TAFA2: variants seen among roughly 807,000 people sequenced by gnomAD.
TAFA2 encodes chemokine-like protein TAFA-2.
In TAFA2, 7 loss-of-function variants were observed where a neutral mutation model predicts 18.8. The ratio of observed to expected loss-of-function variants is 0.37; its 90% CI spans 0.21 to 0.70. The LOEUF (loss-of-function observed/expected upper bound fraction) is 0.70. TAFA2 is among the 30% of genes least tolerant of loss of function. The pLI is 0.53. For synonymous variants in TAFA2, 60 were observed against 54.2 expected (o/e 1.11, Z -0.47); for missense variants, 122 against 158.1 (o/e 0.77, Z 1.23).
chr12:62,008,763 T>C (rs1338890345), intron 1 of TAFA2, among the ~76,000 whole-genome samples: 1 of 152,206 alleles, frequency 6.6e-6, no homozygotes, highest in Admixed American at 6.5e-5. Flanking sequence ...ACAAGAAAGA[T>C]GATTGCAGTT....
chr12:62,210,184 T>TATAA (rs1260122366), intron 1 of TAFA2, among the ~76,000 whole-genome samples: 2 of 93,556 alleles, frequency 2.1e-5, no homozygotes, highest in Non-Finnish European at 2.3e-5. Context: ...AGACTCTGTC[T>TATAA]CTAAATAAAT....
At chr12:62,057,287 G>C (rs1009978013) in intron 1 of TAFA2, among the ~76,000 whole-genome samples, 1 of 152,008 alleles carries the variant, frequency 6.6e-6, no homozygotes, top group Non-Finnish European at 1.5e-5. Context: ...TTCTGATCTT[G>C]TTAATATCTC....
At chr12:61,713,470 A>C (rs1001296087) in intron 4 of TAFA2, among the ~76,000 whole-genome samples, 1 of 152,178 alleles carries the variant, frequency 6.6e-6, no homozygotes, top group African/African-American at 2.4e-5. Flanking sequence ...AGTTTAGAGA[A>C]CTGCATTGAA....
chr12:61,802,253 T>C (rs541439147), intron 2 of TAFA2, among the ~76,000 whole-genome samples: 6 of 152,106 alleles, frequency 3.9e-5, no homozygotes, highest in African/African-American at 1.2e-4. Context: ...AATCCCTCTG[T>C]TGGGTATTCA....
intron 1 of TAFA2, among the ~76,000 whole-genome samples, chr12:62,241,678 T>A (rs1179329844): frequency 1.3e-5 from 2 of 152,176 alleles, no homozygotes; most frequent in African/African-American, 4.8e-5. Flanking sequence ...GTTACCTACA[T>A]TTGGAAATAT....
At position 61,955,600 on chromosome 12, in the gene TAFA2, CAAAAAAAAAAAAAAAAAAA is replaced by C. The variant is rs869189343; in HGVS notation, c.-1-88193_-1-88175del. On this transcript the variant is annotated intron_variant, in intron 1 of 4. Transcript: ENST00000416284. ...CTGGCGACACAGCAAGACTCCATCT[CAAAAAAAAAAAAAAAAAAA>C]AAAAAAAAAAAAAATATATATATAT... 4.8e-3 allele frequency among the ~76,000 whole-genome samples: 185 copies of C among 38,908 alleles called. 1 individual carries two copies. Among genetic ancestry groups the C allele is most frequent in the African/African-American group, 0.022 (173 of 7,844 alleles). 25.5% of individuals were successfully genotyped at this position (38,908 alleles called of 152,430 possible).
At chr12:61,942,363 C>G (rs1269554141) in intron 1 of TAFA2, among the ~76,000 whole-genome samples, 1 of 150,732 alleles carries the variant, frequency 6.6e-6, no homozygotes, top group Non-Finnish European at 1.5e-5. Context: ...AAAAACAGAA[C>G]AGAAAAACTG....
rs147927276 is a variant in TAFA2 at position 61,898,284 on chromosome 12, T to C, written c.-1-30858A>G. Among the ~76,000 whole-genome samples the C allele has an allele frequency of 1.1e-4, 17 of 152,330 alleles. No individual in the cohort carries two copies. The East Asian group carries it at 2.1e-3, about 19-fold the overall frequency. On this transcript the variant is annotated intron_variant, in intron 1 of 4. Transcript: ENST00000416284. ...TGGGTTGTCAGTGGATCTACAATTC[T>C]GGGCTCTGGAGGACAGTGGCCCTCT...
intron 1 of TAFA2, among the ~76,000 whole-genome samples, chr12:62,049,091 G>A (rs1473820571): frequency 6.6e-6 from 1 of 152,130 alleles, no homozygotes; most frequent in African/African-American, 2.4e-5. Flanking sequence ...CTCATTAGGT[G>A]GAGTACAACC....
At chr12:61,897,727 G>A (rs575776938) in intron 1 of TAFA2, among the ~76,000 whole-genome samples, 4 of 152,096 alleles carry the variant, frequency 2.6e-5, no homozygotes, top group Admixed American at 6.5e-5. Flanking sequence ...ATGAAATTTG[G>A]GTAGGGACAC....
At chr12:61,828,961 T>A (rs1005858801) in intron 2 of TAFA2, among the ~76,000 whole-genome samples, 11 of 151,812 alleles carry the variant, frequency 7.2e-5, no homozygotes, top group African/African-American at 2.7e-4. Flanking sequence ...AGCCATCTGA[T>A]GACTCCACAT....
intron 1 of TAFA2, among the ~76,000 whole-genome samples, chr12:62,073,103 G>A (rs573333951): frequency 6.6e-6 from 1 of 152,200 alleles, no homozygotes; most frequent in African/African-American, 2.4e-5. Flanking sequence ...GGCAGGAAGT[G>A]CCATATCCAG....
chr12:61,913,591 A>G (rs1243161822), intron 1 of TAFA2, among the ~76,000 whole-genome samples: 1 of 152,214 alleles, frequency 6.6e-6, no homozygotes, highest in Non-Finnish European at 1.5e-5. Flanking sequence ...GAGGGTGTGA[A>G]TCACAGGAAA....
intron 1 of TAFA2, among the ~76,000 whole-genome samples, chr12:62,043,889 A>G (rs1881836682): frequency 6.6e-6 from 1 of 152,204 alleles, no homozygotes; most frequent in African/African-American, 2.4e-5. Flanking sequence ...TGTATTAACA[A>G]TTATGATAAC....
intron 1 of TAFA2, among the ~76,000 whole-genome samples, chr12:61,873,713 G>A (rs1005479524): frequency 3.3e-5 from 5 of 151,948 alleles, no homozygotes; most frequent in Admixed American, 1.3e-4. Flanking sequence ...ATAGGGCATC[G>A]AGAGCTACAA....
At chr12:62,185,082 G>A (rs1012698426) in intron 1 of TAFA2, among the ~76,000 whole-genome samples, 1 of 152,080 alleles carries the variant, frequency 6.6e-6, no homozygotes, top group African/African-American at 2.4e-5. Flanking sequence ...TATAAATTCT[G>A]ACCCAATTCT....
At chr12:61,809,763 T>C (rs543297944) in intron 2 of TAFA2, among the ~76,000 whole-genome samples, 29 of 151,504 alleles carry the variant, frequency 1.9e-4, no homozygotes, top group Admixed American at 1.4e-3. Context: ...TTCTAAAGTT[T>C]CCTTGTGAAC....
At chr12:62,065,908 A>G (rs538185372) in intron 1 of TAFA2, among the ~76,000 whole-genome samples, 8 of 151,942 alleles carry the variant, frequency 5.3e-5, no homozygotes, top group African/African-American at 1.4e-4. Context: ...ACCACTTTAT[A>G]AAAAAGCTGG....
chr12:61,819,801 A>G (rs1872245066), intron 2 of TAFA2, among the ~76,000 whole-genome samples: 1 of 152,136 alleles, frequency 6.6e-6, no homozygotes, highest in African/African-American at 2.4e-5. Context: ...TGAGAATATG[A>G]CAAATGTCCT....
Sources: gnomAD v4.1 joint callset for allele counts (sites outside exome capture counted in the v4.1 genomes callset) on GRCh38, gnomAD v4.1.1 for gene constraint, MANE v1.5 for transcripts, NCBI Gene and HGNC (gene_info 2026-07-23, HGNC 2026-07-21) for gene names.